Variants in TRPC7 observed in about 807,000 individuals in gnomAD.
TRPC7 encodes the protein short transient receptor potential channel 7.
A neutral mutation model predicts 90.1 loss-of-function variants in TRPC7; 42 were observed. The observed-to-expected ratio is 0.47, with a 90% CI of 0.36 to 0.60. The LOEUF (loss-of-function observed/expected upper bound fraction) is 0.60, where lower values mean the gene tolerates loss of function less well. Ranked by LOEUF, TRPC7 falls within the 20% of genes least tolerant of loss-of-function variation. The pLI is 0.00. For missense variants in TRPC7, 955 were observed against 1,112.3 expected, an observed-to-expected ratio of 0.86 and a Z score of 2.01; for synonymous variants, 451 against 436.3, an observed-to-expected ratio of 1.03 and a Z score of -0.42.
intron 3 of TRPC7, among the ~76,000 whole-genome samples, chr5:136,293,128 T>A (rs1394139824): frequency 6.6e-6 from 1 of 152,200 alleles, no homozygotes; most frequent in Non-Finnish European, 1.5e-5. Context: ...AAATTAGGTA[T>A]TGATGGGACA....
intron 3 of TRPC7, 40 bp downstream of exon 3, chr5:136,315,557 G>A (rs1561715738): frequency 6.2e-7 from 1 of 1,603,746 alleles, no homozygotes; most frequent in Non-Finnish European, 8.5e-7. Context: ...CCCGAGAAGA[G>A]AGGTGAGATG....
At chr5:136,350,760 G>A (rs1760169902) in intron 2 of TRPC7, among the ~76,000 whole-genome samples, 1 of 152,190 alleles carries the variant, frequency 6.6e-6, no homozygotes, top group Admixed American at 6.5e-5. Context: ...TTTCACCTGT[G>A]TATGCTTATT....
chr5:136,257,081 G>T lies in TRPC7; in HGVS notation c.1346-5199C>A, dbSNP rs112192340. Reference sequence around the variant, plus strand: ...GCACATTCGAGTGATGAGCTGATCAGTTTTACTTGTCTGGGACTATGCCCA... The same window carrying T: ...GCACATTCGAGTGATGAGCTGATCATTTTTACTTGTCTGGGACTATGCCCA... On this transcript the variant is annotated intron_variant, in intron 5 of 11. Coordinates refer to ENST00000513104, the MANE Select transcript of TRPC7 (RefSeq NM_020389.3). Among the ~76,000 whole-genome samples, 1,319 of 152,170 alleles carry T rather than the reference G, an allele frequency of 8.7e-3. 19 individuals carry two copies. Among genetic ancestry groups the T allele is most frequent in the African/African-American group, 0.023 (959 of 41,522 alleles).
chr5:136,303,890 G>A (rs962755106), intron 3 of TRPC7: 1 of 151,794 alleles, frequency 6.6e-6, no homozygotes, highest in African/African-American at 2.4e-5. Flanking sequence ...TCAATACGGA[G>A]GCTACCCATG....
rs1339444403 is a variant in TRPC7 at position 136,247,436 on chromosome 5, G to A, written c.1844+35C>T. On this transcript the variant is annotated intron_variant, in intron 7 of 11. Transcript: ENST00000513104. The surrounding 1 kb of genome is among the most constrained non-coding windows in gnomAD (Gnocchi z 4.2). ...CTCCCAAGGATTCCCAGGAAGCCCA[G>A]GGAGAACCTCAGGGGAAAGCTCTCA... 1.3e-6 allele frequency: 2 copies of A among 1,573,528 alleles called. No homozygotes were observed. Among genetic ancestry groups the A allele is most frequent in the Admixed American group, 1.8e-5 (1 of 57,060 alleles).
intron 3 of TRPC7, among the ~76,000 whole-genome samples, chr5:136,302,162 G>A (rs937237991): frequency 1.3e-5 from 2 of 152,184 alleles, no homozygotes; most frequent in Non-Finnish European, 2.9e-5. Context: ...CACCAGTCAC[G>A]GACTGGGAAG....
intron 3 of TRPC7, among the ~76,000 whole-genome samples, chr5:136,289,904 A>G (rs1757875071): frequency 6.6e-6 from 1 of 152,184 alleles, no homozygotes; most frequent in Non-Finnish European, 1.5e-5. Context: ...GTAGGGGTGG[A>G]TTGACACCTC....
chr5:136,304,819 CA>C (rs1758549266), intron 3 of TRPC7, among the ~76,000 whole-genome samples: 1 of 152,234 alleles, frequency 6.6e-6, no homozygotes, highest in Admixed American at 6.5e-5. Context: ...CAATCCCTTA[CA>C]AAACAACAAC....
In TRPC7 at chr5:136,247,529, C is replaced by G; in HGVS notation, c.1786G>C (p.Gly596Arg). ...FIMVFVAFMI[G>R]MFNLYSYYRG... ...TAGTAAGAGTACAGGTTGAACATCCCAATCATGAAGGCCACAAATACCATG... is the reference window on the plus strand; with the variant it reads ...TAGTAAGAGTACAGGTTGAACATCCGAATCATGAAGGCCACAAATACCATG... The change falls in exon 7 of 12, where the codon GGG becomes CGG. Residue 596 changes from glycine (G) to arginine (R), a missense_variant. Transcript: ENST00000513104. The surrounding 1 kb of genome is among the most constrained non-coding windows in gnomAD (Gnocchi z 4.2). The G allele has an allele frequency of 6.2e-7, 1 of 1,613,940 alleles. No individual in the cohort carries two copies.
chr5:136,314,163 T>C (rs1758931831), intron 3 of TRPC7: 1 of 152,246 alleles, frequency 6.6e-6, no homozygotes, highest in African/African-American at 2.4e-5. Context: ...AACTTCCATC[T>C]TCACCATGAG....
intron 3 of TRPC7, among the ~76,000 whole-genome samples, chr5:136,305,914 G>A (rs986233900): frequency 1.3e-5 from 2 of 152,182 alleles, no homozygotes; most frequent in Non-Finnish European, 2.9e-5. Flanking sequence ...CTTCTCAGAA[G>A]TCAGACCTGT....
chr5:136,233,721 C>A (rs1264771699), intron 7 of TRPC7, among the ~76,000 whole-genome samples: 4 of 152,202 alleles, frequency 2.6e-5, no homozygotes, highest in Non-Finnish European at 4.4e-5. Flanking sequence ...AATTCATCTT[C>A]CCTTTCTTAC....
chr5:136,289,830 G>A (rs903539576), intron 3 of TRPC7, among the ~76,000 whole-genome samples: 46 of 152,324 alleles, frequency 3.0e-4, no homozygotes, highest in African/African-American at 1.0e-3. Flanking sequence ...ATCTGAGAAC[G>A]GGCAGACTGC....
chr5:136,325,488 T>G (rs1759318633), intron 2 of TRPC7, among the ~76,000 whole-genome samples: 1 of 152,184 alleles, frequency 6.6e-6, no homozygotes. Context: ...AACTATGATA[T>G]TTTGTATGCT....
chr5:136,239,039 T>C (rs1314183393), intron 7 of TRPC7, among the ~76,000 whole-genome samples: 1 of 152,164 alleles, frequency 6.6e-6, no homozygotes, highest in East Asian at 1.9e-4. Flanking sequence ...CACACTGATC[T>C]CAGCTGCCTT....
chr5:136,319,379 T>A (rs1050302022), intron 2 of TRPC7, among the ~76,000 whole-genome samples: 1 of 152,090 alleles, frequency 6.6e-6, no homozygotes, highest in African/African-American at 2.4e-5. Flanking sequence ...CTCAAGGATG[T>A]GGCAATCTTC....
intron 2 of TRPC7, among the ~76,000 whole-genome samples, chr5:136,344,894 A>C (rs1347572576): frequency 6.6e-6 from 1 of 152,226 alleles, no homozygotes; most frequent in Non-Finnish European, 1.5e-5. Context: ...AATAAACTAA[A>C]CACATGTGCA....
chr5:136,297,025 T>A (rs1439135584), intron 3 of TRPC7, among the ~76,000 whole-genome samples: 1 of 152,174 alleles, frequency 6.6e-6, no homozygotes, highest in Non-Finnish European at 1.5e-5. Flanking sequence ...TGCAAGTCCC[T>A]AAACGTGATC....
intron 7 of TRPC7, among the ~76,000 whole-genome samples, chr5:136,232,734 G>GA (rs1755857836): frequency 6.6e-6 from 1 of 152,198 alleles, no homozygotes; most frequent in Non-Finnish European, 1.5e-5. Flanking sequence ...TGATGACCTA[G>GA]AATCGAATAA....
Sources: allele counts gnomAD v4.1 joint callset (sites outside exome capture counted in the v4.1 genomes callset), GRCh38; gene constraint gnomAD v4.1.1; non-coding constraint Gnocchi (gnomAD v3.1); transcripts MANE v1.5; gene names NCBI Gene and HGNC (gene_info 2026-07-23, HGNC 2026-07-21).